Variants in ADCY2 observed in about 807,000 individuals in gnomAD.
ADCY2 encodes the protein adenylate cyclase 2.
ADCY2 carries 31 observed loss-of-function variants against 125.2 expected under a neutral mutation model. The observed-to-expected ratio is 0.25, with a 90% CI of 0.19 to 0.33. The LOEUF is 0.33. Ranked by LOEUF, ADCY2 falls within the 10% of genes least tolerant of loss-of-function variation. The pLI, the probability that ADCY2 is intolerant of heterozygous loss-of-function variation, is 1.00. For missense variants in ADCY2, 904 were observed against 1,418.2 expected (o/e 0.64, Z 5.82); for synonymous variants, 512 against 548.4 (o/e 0.93, Z 0.93).
rs189997544 is a variant in ADCY2 at position 7,735,114 on chromosome 5, A to C, written c.1871+7853A>C. On this transcript the variant is annotated intron_variant, in intron 14 of 24. Transcript: ENST00000338316. The stretch of plus-strand genomic sequence containing the variant: ...AGAAGCATTAAGCCCATAAGAACTC[A>C]GATGGAAGAGAGGTCCATCTGAACA... Among the ~76,000 whole-genome samples, 3 of 152,314 alleles carry C rather than the reference A, an allele frequency of 2.0e-5. No homozygotes were observed. The East Asian group carries it at 5.8e-4, about 29-fold the overall frequency.
chr5:7,758,115 C>T (rs542502417), intron 16 of ADCY2, among the ~76,000 whole-genome samples: 149 of 152,298 alleles, frequency 9.8e-4, no homozygotes, highest in African/African-American at 3.4e-3. Flanking sequence ...ACTAGAAAGA[C>T]GTTTTCATTG....
chr5:7,641,486 G>GAT (rs200440986), intron 4 of ADCY2, among the ~76,000 whole-genome samples: 77 of 151,932 alleles, frequency 5.1e-4, no homozygotes, highest in African/African-American at 1.6e-3. Context: ...CCTTTGTCAA[G>GAT]ATATATATAT....
chr5:7,415,034 T>A (rs1386505125), intron 2 of ADCY2, among the ~76,000 whole-genome samples: 1 of 152,222 alleles, frequency 6.6e-6, no homozygotes, highest in Admixed American at 6.5e-5. Context: ...GATGTGTATG[T>A]GTATGTATAT....
chr5:7,594,008 A>G (rs1034938899), intron 3 of ADCY2, among the ~76,000 whole-genome samples: 1 of 152,194 alleles, frequency 6.6e-6, no homozygotes, highest in African/African-American at 2.4e-5. Flanking sequence ...GCCAGCCCTG[A>G]GATTGGAGAG....
intron 4 of ADCY2, among the ~76,000 whole-genome samples, chr5:7,657,614 G>T (rs1739382925): frequency 6.6e-6 from 1 of 152,138 alleles, no homozygotes; most frequent in Admixed American, 6.5e-5. Context: ...AATTTTTAAT[G>T]CATAAACAAA....
At chr5:7,721,292 T>C (rs1741749487) in intron 12 of ADCY2, among the ~76,000 whole-genome samples, 1 of 152,246 alleles carries the variant, frequency 6.6e-6, no homozygotes, top group Non-Finnish European at 1.5e-5. Flanking sequence ...AGATTCTGGA[T>C]ATTAGCCCTT....
At chr5:7,702,887 CTGT>C (rs1741136340) in intron 7 of ADCY2, among the ~76,000 whole-genome samples, 1 of 152,174 alleles carries the variant, frequency 6.6e-6, no homozygotes, top group African/African-American at 2.4e-5. Context: ...TCTCCAGCAC[CTGT>C]TGTTTTCTGA....
chr5:7,637,175 A>G, intron 4 of ADCY2, among the ~76,000 whole-genome samples: 1 of 152,146 alleles, frequency 6.6e-6, no homozygotes, highest in Non-Finnish European at 1.5e-5. Flanking sequence ...TTTTATAGAA[A>G]GGCAACAGTT....
chr5:7,520,632 A>T, intron 2 of ADCY2, 106 bp from the exon 3 acceptor site: 1 of 1,228,894 alleles, frequency 8.1e-7, no homozygotes, highest in Non-Finnish European at 1.2e-6. Context: ...TTCTAAAATG[A>T]GCATGTCTCA....
At chr5:7,570,305 A>G (rs1226296702) in intron 3 of ADCY2, among the ~76,000 whole-genome samples, 1 of 152,172 alleles carries the variant, frequency 6.6e-6, no homozygotes. Flanking sequence ...AAATATCATC[A>G]TGAGAAACTT....
At chr5:7,647,260 T>A (rs997523062) in intron 4 of ADCY2, among the ~76,000 whole-genome samples, 4 of 152,248 alleles carry the variant, frequency 2.6e-5, no homozygotes, top group Non-Finnish European at 4.4e-5. Context: ...TGCCTCAGTT[T>A]TCTGACCTGT....
chr5:7,740,759 A>G (rs972434340), intron 14 of ADCY2, among the ~76,000 whole-genome samples: 5 of 152,118 alleles, frequency 3.3e-5, no homozygotes, highest in Non-Finnish European at 7.4e-5. Flanking sequence ...TTTTTAGAAA[A>G]GAGTTATAAT....
At chr5:7,479,902 T>G (rs1346790314) in intron 2 of ADCY2, among the ~76,000 whole-genome samples, 1 of 152,096 alleles carries the variant, frequency 6.6e-6, no homozygotes, top group Admixed American at 6.5e-5. Flanking sequence ...ACCAGTTCCT[T>G]AAACAAATTT....
At chr5:7,605,850 T>C (rs1737355718) in intron 3 of ADCY2, among the ~76,000 whole-genome samples, 1 of 47,532 alleles carries the variant, frequency 2.1e-5, no homozygotes, top group Admixed American at 2.6e-4. Flanking sequence ...AACACTATGT[T>C]GAATAGGAGC....
At chr5:7,752,475 G>C (rs1326496548) in intron 15 of ADCY2, among the ~76,000 whole-genome samples, 1 of 116,234 alleles carries the variant, frequency 8.6e-6, no homozygotes, top group African/African-American at 3.0e-5. Flanking sequence ...TAACTTTTCT[G>C]GATTTTTTTT....
intron 24 of ADCY2, among the ~76,000 whole-genome samples, chr5:7,822,302 A>T (rs1030197076): frequency 2.4e-4 from 37 of 152,156 alleles, no homozygotes; most frequent in African/African-American, 8.7e-4. Context: ...TATCTTTTTA[A>T]TTTTCATCAT....
intron 20 of ADCY2, among the ~76,000 whole-genome samples, chr5:7,791,626 C>T (rs1314252667): frequency 6.6e-6 from 1 of 152,124 alleles, no homozygotes; most frequent in African/African-American, 2.4e-5. Context: ...CCTGATTTTC[C>T]TATTGATCAC....
intron 4 of ADCY2, among the ~76,000 whole-genome samples, chr5:7,688,615 C>T (rs1344467796): frequency 6.6e-6 from 1 of 152,120 alleles, no homozygotes; most frequent in African/African-American, 2.4e-5. Context: ...TCCTCACCAG[C>T]TTTCCTCTAT....
chr5:7,448,431 A>G (rs138941794), intron 2 of ADCY2, among the ~76,000 whole-genome samples: 19 of 152,074 alleles, frequency 1.2e-4, no homozygotes, highest in South Asian at 1.0e-3. Context: ...TAAGGCCTGT[A>G]ACAGCTGTAG....
Sources: gnomAD v4.1 joint callset for allele counts (sites outside exome capture counted in the v4.1 genomes callset) on GRCh38, gnomAD v4.1.1 for gene constraint, MANE v1.5 for transcripts, NCBI Gene and HGNC (gene_info 2026-07-23, HGNC 2026-07-21) for gene names.